ANKS1B: variants seen among roughly 807,000 people sequenced by gnomAD.
ANKS1B encodes the protein ankyrin repeat and sterile alpha motif domain containing 1B, also known as ankyrin repeat and sterile alpha motif domain-containing protein 1B.
In ANKS1B, 36 loss-of-function variants were observed where a neutral mutation model predicts 148.3. That is an observed-to-expected ratio of 0.24 (90% CI 0.19 to 0.32). ANKS1B has a LOEUF of 0.32. Among genes scored for constraint, ANKS1B ranks in the 10% least tolerant of loss-of-function variants. The pLI, the probability that ANKS1B is intolerant of heterozygous loss-of-function variation, is 1.00. For missense variants in ANKS1B, 1,157 were observed against 1,542.6 expected, an observed-to-expected ratio of 0.75 and a Z score of 4.19; for synonymous variants, 542 against 560.8, an observed-to-expected ratio of 0.97 and a Z score of 0.47.
chr12:98,853,762 A>C (rs2099545974), intron 17 of ANKS1B, among the ~76,000 whole-genome samples: 1 of 152,212 alleles, frequency 6.6e-6, no homozygotes, highest in Admixed American at 6.5e-5. Context: ...CTCTCAAACC[A>C]GACTGTAGGC....
chr12:99,812,414 T>A, intron 2 of ANKS1B, 103 bp from the exon 3 acceptor site: 1 of 1,275,618 alleles, frequency 7.8e-7, no homozygotes, highest in Non-Finnish European at 1.1e-6. Flanking sequence ...GAATTTAGAG[T>A]AATCATTCAA....
At chr12:99,617,509 C>T (rs2097982705) in intron 9 of ANKS1B, among the ~76,000 whole-genome samples, 1 of 128,034 alleles carries the variant, frequency 7.8e-6, no homozygotes, top group South Asian at 2.4e-4. Context: ...AGCTGGAAAC[C>T]ATCATTCTCA....
At chr12:99,347,372 G>A (rs551885636) in intron 12 of ANKS1B, among the ~76,000 whole-genome samples, 1 of 152,044 alleles carries the variant, frequency 6.6e-6, no homozygotes, top group East Asian at 1.9e-4. Context: ...ACACACATGC[G>A]CAGAACAGGC....
At chr12:99,661,634 T>C (rs1372657758) in intron 8 of ANKS1B, among the ~76,000 whole-genome samples, 1 of 152,202 alleles carries the variant, frequency 6.6e-6, no homozygotes, top group East Asian at 1.9e-4. Context: ...CCTCGTACCT[T>C]ACCTTAGCAC....
intron 9 of ANKS1B, among the ~76,000 whole-genome samples, chr12:99,504,973 TGGAGACACCCATATAACTC>T (rs1488771625): frequency 1.3e-5 from 2 of 152,098 alleles, no homozygotes; most frequent in East Asian, 1.9e-4. Context: ...GCCGGCCTCC[TGGAGACACCCATATAACTC>T]GGAGACACCC....
At chr12:99,981,106 C>A (rs2095695989) in intron 1 of ANKS1B, among the ~76,000 whole-genome samples, 1 of 151,998 alleles carries the variant, frequency 6.6e-6, no homozygotes, top group African/African-American at 2.4e-5. Flanking sequence ...TTAAAGAATA[C>A]AGTCAAGTGC....
intron 17 of ANKS1B, among the ~76,000 whole-genome samples, chr12:98,884,661 C>T (rs796969184): frequency 1.5e-4 from 23 of 151,330 alleles, no homozygotes; most frequent in Non-Finnish European, 2.7e-4. Context: ...TAGCCGGGCG[C>T]GGTGGCGGGC....
In ANKS1B at chr12:99,239,463, G is replaced by A. The variant is rs1459567245; in HGVS notation, c.2419+4879C>T. ...TTGATTGGTGTACCAGAAAGTGACAGGGAGAATGAACCAAGTTAGAAAACA... is the reference window on the plus strand; with the variant it reads ...TTGATTGGTGTACCAGAAAGTGACAAGGAGAATGAACCAAGTTAGAAAACA... On this transcript the variant is annotated intron_variant, in intron 14 of 26. Transcript: ENST00000683438. 4.6e-5 allele frequency among the ~76,000 whole-genome samples: 7 copies of A among 152,216 alleles called. 1 individual carries two copies. The highest frequency in any genetic ancestry group is 8.8e-5 in the Non-Finnish European group (6 of 68,042).
At chr12:99,262,135 T>C (rs2075988886) in intron 12 of ANKS1B, among the ~76,000 whole-genome samples, 1 of 152,108 alleles carries the variant, frequency 6.6e-6, no homozygotes, top group African/African-American at 2.4e-5. Flanking sequence ...CCTTACTTCA[T>C]AATTTTTTCA....
At chr12:99,759,027 C>A (rs570445479) in intron 8 of ANKS1B, among the ~76,000 whole-genome samples, 1 of 151,902 alleles carries the variant, frequency 6.6e-6, no homozygotes, top group African/African-American at 2.4e-5. Flanking sequence ...TTTAATGATC[C>A]CGCTTCTCAC....
At chr12:99,640,865 C>T (rs772531358) in intron 9 of ANKS1B, among the ~76,000 whole-genome samples, 21 of 152,116 alleles carry the variant, frequency 1.4e-4, no homozygotes, top group South Asian at 8.3e-4. Flanking sequence ...GGAGTCATTA[C>T]GACTTTTTAC....
At chr12:99,006,586 C>G (rs1028231824) in intron 17 of ANKS1B, among the ~76,000 whole-genome samples, 1 of 152,192 alleles carries the variant, frequency 6.6e-6, no homozygotes, top group African/African-American at 2.4e-5. Context: ...CAGGATCAGA[C>G]TCAGGACCCT....
intron 17 of ANKS1B, among the ~76,000 whole-genome samples, chr12:98,945,041 T>C (rs903195751): frequency 6.6e-6 from 1 of 152,192 alleles, no homozygotes; most frequent in African/African-American, 2.4e-5. Flanking sequence ...AGCACAGAGA[T>C]AGCAGGAGGA....
intron 17 of ANKS1B, among the ~76,000 whole-genome samples, chr12:98,832,534 C>A (rs1380824360): frequency 2.0e-5 from 3 of 152,130 alleles, no homozygotes; most frequent in Non-Finnish European, 4.4e-5. Flanking sequence ...TGCAGTCATG[C>A]CAGCCTCCTC....
Position 98,746,415 on chromosome 12 carries a change from A to T in ANKS1B, c.3748-566T>A, listed in dbSNP as rs577224888. Among the ~76,000 whole-genome samples, 11 of 152,192 alleles carry T rather than the reference A, an allele frequency of 7.2e-5. 1 individual carries two copies. In the South Asian group the frequency reaches 2.3e-3, roughly 32 times the overall value. The stretch of plus-strand genomic sequence containing the variant: ...GCTCTGCCCGAGTTCCCTTCTCCAG[A>T]CACCTGCATGCCTCATGCTCTAATG... On this transcript the variant is annotated intron_variant, in intron 26 of 26. Coordinates refer to ENST00000683438, the MANE Select transcript of ANKS1B (RefSeq NM_001352186.2).
At chr12:99,448,578 A>C (rs1446238763) in intron 10 of ANKS1B, among the ~76,000 whole-genome samples, 1 of 151,924 alleles carries the variant, frequency 6.6e-6, no homozygotes, top group East Asian at 1.9e-4. Flanking sequence ...TTCTCACCAC[A>C]AAAAAAATGC....
intron 12 of ANKS1B, among the ~76,000 whole-genome samples, chr12:99,332,449 C>T (rs78241035): frequency 0.024 from 3,715 of 152,070 alleles, 160 homozygotes; most frequent in African/African-American, 0.085. Context: ...AACTCCCTTC[C>T]GTTCTCTGCA....
At chr12:99,133,369 G>A (rs117247834) in intron 15 of ANKS1B, among the ~76,000 whole-genome samples, 25 of 151,968 alleles carry the variant, frequency 1.6e-4, no homozygotes, top group African/African-American at 5.6e-4. Flanking sequence ...ATGTGACTAC[G>A]TCCCTAAGTA....
At chr12:99,542,620 A>G (rs949718366) in intron 9 of ANKS1B, among the ~76,000 whole-genome samples, 13 of 152,118 alleles carry the variant, frequency 8.5e-5, no homozygotes, top group Non-Finnish European at 8.8e-5. Context: ...AAAAATTTTG[A>G]AAACTTTGAA....
Sources: gnomAD v4.1 joint callset for allele counts (sites outside exome capture counted in the v4.1 genomes callset) on GRCh38, gnomAD v4.1.1 for gene constraint, MANE v1.5 for transcripts, NCBI Gene and HGNC (gene_info 2026-07-23, HGNC 2026-07-21) for gene names.